Variants in LRCH3 observed in about 807,000 individuals in gnomAD.
LRCH3 encodes the protein DISP complex protein LRCH3.
LRCH3 carries 68 observed loss-of-function variants against 104.5 expected under a neutral mutation model. The ratio of observed to expected loss-of-function variants is 0.65; its 90% confidence interval spans 0.54 to 0.80. The LOEUF (loss-of-function observed/expected upper bound fraction) is 0.80, where lower values mean the gene tolerates loss of function less well. LRCH3 is among the 30% of genes least tolerant of loss of function. LRCH3 has a pLI of 0.00. For missense variants in LRCH3, 951 were observed against 953.9 expected, an observed-to-expected ratio of 1.00 and a Z score of 0.04; for synonymous variants, 344 against 361.3, an observed-to-expected ratio of 0.95 and a Z score of 0.54.
At chr3:197,872,673 A>G (rs1289945209) in intron 19 of LRCH3, among the ~76,000 whole-genome samples, 2 of 152,220 alleles carry the variant, frequency 1.3e-5, no homozygotes, top group African/African-American at 4.8e-5. Flanking sequence ...CCTGGCCAAC[A>G]TGGTGAAACC....
intron 1 of LRCH3, among the ~76,000 whole-genome samples, chr3:197,805,816 C>T (rs115991844): frequency 6.0e-4 from 92 of 152,106 alleles, no homozygotes; most frequent in African/African-American, 2.1e-3. Flanking sequence ...TTTAAGGTAT[C>T]GGTACTTACA....
chr3:197,847,859 G>T lies in LRCH3; in HGVS notation c.1381-13G>T. The stretch of plus-strand genomic sequence containing the variant: ...TTTTTACTTTTGTATGCACAATAAC[G>T]CTTTGGTTCCAGCTGTCACACACAG... On this transcript the variant is annotated splice_polypyrimidine_tract_variant and intron_variant, in intron 11 of 20. Transcript: ENST00000425562. The T allele has an allele frequency of 6.2e-7, 1 of 1,613,062 alleles. No individual in the cohort carries two copies. The highest frequency in any genetic ancestry group is 2.2e-5 in the East Asian group (1 of 44,832).
chr3:197,800,272 T>A (rs1731735769), intron 1 of LRCH3, among the ~76,000 whole-genome samples: 1 of 152,168 alleles, frequency 6.6e-6, no homozygotes, highest in African/African-American at 2.4e-5. Flanking sequence ...AGCCACAGTC[T>A]TCTTAAGATT....
chr3:197,887,642 GAGC>G lies in LRCH3; in HGVS notation c.*3977_*3979del, dbSNP rs1714326369. On this transcript the variant is annotated 3_prime_UTR_variant, in exon 21 of 21. Coordinates refer to ENST00000425562, the MANE Select transcript of LRCH3 (RefSeq NM_001365715.1). ...CATCACTGACAGTGTCTGGGGCTGA[GAGC>G]CCCCCCTAGCAGAGCCCTTCCCATC... 1.4e-5 allele frequency: 2 copies of G among 147,448 alleles called. No homozygotes were observed. Among genetic ancestry groups the G allele is most frequent in the Non-Finnish European group, 3.0e-5 (2 of 67,400 alleles). The allele number at this position is 147,448 out of a possible 1,614,324, so 9.1% of individuals were successfully genotyped here. A position where few individuals can be genotyped will look rare whatever the true frequency, so the allele number is the denominator to read the frequency against.
At chr3:197,819,298 C>A (rs1734213398) in intron 3 of LRCH3, among the ~76,000 whole-genome samples, 1 of 151,036 alleles carries the variant, frequency 6.6e-6, no homozygotes, top group African/African-American at 2.4e-5. Flanking sequence ...ATTGCTATTA[C>A]CTTTTGGCTC....
chr3:197,865,768 T>G (rs1292367204), intron 16 of LRCH3, among the ~76,000 whole-genome samples: 5 of 92,790 alleles, frequency 5.4e-5, no homozygotes, highest in Non-Finnish European at 1.0e-4. Context: ...AACCACTGGG[T>G]TTTTTTTTTT....
At chr3:197,815,395 A>G (rs955683000) in intron 2 of LRCH3, among the ~76,000 whole-genome samples, 3 of 152,230 alleles carry the variant, frequency 2.0e-5, no homozygotes, top group African/African-American at 7.2e-5. Flanking sequence ...CAGTTGGGCA[A>G]AATCTTCTAA....
At chr3:197,880,743 T>A in intron 20 of LRCH3, 1 of 1,536,542 alleles carries the variant, frequency 6.5e-7, no homozygotes, top group Non-Finnish European at 8.7e-7. Flanking sequence ...ACTTTCTGCC[T>A]CATTCCTGTG....
At chr3:197,880,252 T>C (rs1428131235) in intron 20 of LRCH3, among the ~76,000 whole-genome samples, 2 of 151,094 alleles carry the variant, frequency 1.3e-5, no homozygotes, top group Non-Finnish European at 2.9e-5. Context: ...GCCTGTGTAT[T>C]GTATTCTTAA....
chr3:197,874,041 AAG>A (rs1443304114), intron 19 of LRCH3, among the ~76,000 whole-genome samples: 2 of 151,568 alleles, frequency 1.3e-5, no homozygotes, highest in Non-Finnish European at 2.9e-5. Context: ...AAAAAAAAAA[AAG>A]ACTGAAAGGA....
intron 1 of LRCH3, among the ~76,000 whole-genome samples, chr3:197,795,683 GTTGTTTTTTTT>G (rs1263627816): frequency 1.1e-4 from 10 of 92,280 alleles, no homozygotes; most frequent in African/African-American, 4.0e-4. Flanking sequence ...TAAAAAAGTT[GTTGTTTTTTTT>G]TTTTTTTTTT....
chr3:197,864,230 C>T (rs571196178), intron 15 of LRCH3, among the ~76,000 whole-genome samples: 1 of 152,000 alleles, frequency 6.6e-6, no homozygotes, highest in South Asian at 2.1e-4. Context: ...CACTTGAACC[C>T]GAAAGGCAGA....
At position 197,837,999 on chromosome 3, in the gene LRCH3, G is replaced by T. The variant is rs147002871; in HGVS notation, c.1252-1322G>T. On this transcript the variant is annotated intron_variant, in intron 9 of 20. Coordinates refer to ENST00000425562, the MANE Select transcript of LRCH3 (RefSeq NM_001365715.1). ...CACTTGAACCTGGGCAGCGGACATTGCAGTGAGCCGAGATTGTGCTACTGC... is the reference window on the plus strand; with the variant it reads ...CACTTGAACCTGGGCAGCGGACATTTCAGTGAGCCGAGATTGTGCTACTGC... Among the ~76,000 whole-genome samples, 1,156 of 152,188 alleles carry T rather than the reference G, an allele frequency of 7.6e-3. 3 individuals carry two copies. Among genetic ancestry groups the T allele is most frequent in the Non-Finnish European group, 0.012 (819 of 67,988 alleles).
intron 4 of LRCH3, chr3:197,823,544 A>G (rs1336766818): frequency 6.6e-6 from 1 of 151,760 alleles, no homozygotes; most frequent in African/African-American, 2.4e-5. Flanking sequence ...GCTGGAGTGC[A>G]TGGCGTGACC....
Position 197,887,188 on chromosome 3 carries a change from T to C in LRCH3, c.*3522T>C, listed in dbSNP as rs1307447430. ...TGCTTTTGTTGGGAGAATTTTTGTA[T>C]TCAGTATTTTGTATGTACCTTTTTT... On this transcript the variant is annotated 3_prime_UTR_variant, in exon 21 of 21. Transcript: ENST00000425562. 1 of 152,214 alleles carries C rather than the reference T, an allele frequency of 6.6e-6. No homozygotes were observed. The highest frequency in any genetic ancestry group is 1.5e-5 in the Non-Finnish European group (1 of 68,026). 9.4% of individuals were successfully genotyped at this position (152,214 alleles called of 1,614,324 possible). A position where few individuals can be genotyped will look rare whatever the true frequency, so the allele number is the denominator to read the frequency against.
Position 197,832,257 on chromosome 3 carries a change from C to G in LRCH3, c.1042C>G (p.Leu348Val), listed in dbSNP as rs1487689615. Reference protein sequence around the residue: ...RVAEITKEQRLRRESQYQENR... With the variant: ...RVAEITKEQRVRRESQYQENR... ...AGCAGAGATTACTAAAGAACAAAGA[C>G]TACGAAGAGAAAGCCAGTACCAAGA... Residue 348 changes from leucine to valine, a missense_variant, in exon 8 of 21, where the codon CTA becomes GTA. Coordinates refer to ENST00000425562, the MANE Select transcript of LRCH3 (RefSeq NM_001365715.1). The G allele has an allele frequency of 6.2e-7, 1 of 1,613,776 alleles. No individual in the cohort carries two copies. The highest frequency in any genetic ancestry group is 8.5e-7 in the Non-Finnish European group (1 of 1,179,750).
At chr3:197,817,360 GTA>G (rs58866690) in intron 3 of LRCH3, 58 bp downstream of exon 3, 8,543 of 80,658 alleles carry the variant, frequency 0.11, 6 homozygotes, top group Non-Finnish European at 0.13. Context: ...GTGTGTGTGT[GTA>G]TATATATATA....
At chr3:197,852,720 G>A in intron 13 of LRCH3, 100 bp downstream of exon 13, 1 of 1,245,170 alleles carries the variant, frequency 8.0e-7, no homozygotes, top group East Asian at 2.4e-5. Flanking sequence ...TCGGAATATT[G>A]CCATTTTTCT....
At chr3:197,827,247 A>C (rs1056157252) in intron 5 of LRCH3, among the ~76,000 whole-genome samples, 1 of 152,098 alleles carries the variant, frequency 6.6e-6, no homozygotes, top group African/African-American at 2.4e-5. Flanking sequence ...AGCATCAGAT[A>C]AATCATGGTG....
Sources: allele counts gnomAD v4.1 joint callset (sites outside exome capture counted in the v4.1 genomes callset), GRCh38; gene constraint gnomAD v4.1.1; transcripts MANE v1.5; gene names NCBI Gene and HGNC (gene_info 2026-07-23, HGNC 2026-07-21).